The following GRIN1 variants were observed in gnomAD, a reference collection of about 807,000 sequenced individuals.
GRIN1 encodes the protein glutamate ionotropic receptor NMDA type subunit 1.
Under a neutral mutation model 103.0 loss-of-function variants are expected in GRIN1, and 38 were observed. The ratio of observed to expected loss-of-function variants is 0.37; its 90% CI spans 0.28 to 0.48. The LOEUF is 0.48. Among genes scored for constraint, GRIN1 ranks in the 20% least tolerant of loss-of-function variants. The probability of loss-of-function intolerance (pLI) is 0.98; values close to 1 mark genes in which losing one functional copy is unlikely to be tolerated. For synonymous variants in GRIN1, 544 were observed against 532.7 expected (o/e 1.02, Z -0.29); for missense variants, 577 against 1,288.9 (o/e 0.45, Z 8.46).
chr9:137,149,107 C>A lies in GRIN1; in HGVS notation c.669C>A (p.Ala223=). Residue 223 remains alanine, a splice_region_variant and synonymous_variant, in exon 4 of 20, where the codon GCC becomes GCA. Coordinates refer to ENST00000371561, the MANE Select transcript of GRIN1 (RefSeq NM_007327.4). ...ELEARVIILS[A]SEDDAATVYR... ...AGGCCCGGGTCATCATCCTTTCTGC[C>A]AGGTGAGGCTGGGCAGGGCCCTACA... The A allele has an allele frequency of 6.2e-7, 1 of 1,600,894 alleles. No homozygotes were observed. Among genetic ancestry groups the A allele is most frequent in the Non-Finnish European group, 8.5e-7 (1 of 1,170,830 alleles).
intron 2 of GRIN1, 113 bp from the exon 3 acceptor site, chr9:137,145,613 G>T: frequency 3.8e-6 from 3 of 793,016 alleles, no homozygotes; most frequent in Non-Finnish European, 6.2e-6. Flanking sequence ...TGGGGACAGG[G>T]GTGGGAGGAG....
At chr9:137,149,887 A>G (rs1455706842) in intron 4 of GRIN1, among the ~76,000 whole-genome samples, 1 of 152,148 alleles carries the variant, frequency 6.6e-6, no homozygotes, top group Non-Finnish European at 1.5e-5. Flanking sequence ...AGCCCTGCAT[A>G]TGGGAAAGAG....
intron 4 of GRIN1, among the ~76,000 whole-genome samples, chr9:137,149,720 G>C (rs1485689218): frequency 6.6e-6 from 1 of 152,176 alleles, no homozygotes; most frequent in Non-Finnish European, 1.5e-5. Flanking sequence ...GGGTGACTGG[G>C]AATAGGAAAA....
chr9:137,144,487 C>A (rs563852041), intron 2 of GRIN1, among the ~76,000 whole-genome samples: 2 of 151,714 alleles, frequency 1.3e-5, no homozygotes, highest in Non-Finnish European at 2.9e-5. Context: ...ACCCCATCTC[C>A]ACTAAAAATA....
Position 137,139,546 on chromosome 9 carries a change from C to G in GRIN1, c.60C>G (p.Ala20=). Residue 20 remains alanine, a synonymous_variant, in exon 1 of 20, where the codon GCC becomes GCG. Coordinates refer to ENST00000371561, the MANE Select transcript of GRIN1 (RefSeq NM_007327.4). This position sits in a 1 kb window ranked among gnomAD's most constrained non-coding sequence, Gnocchi z 7.7. ...ALLFSCSVAR[A]ACDPKIVNIG... ...TGTTCTCCTGCTCCGTCGCCCGTGC[C>G]GCGTGCGACCCCAAGATCGTCAACA... The G allele has an allele frequency of 6.2e-7, 1 of 1,611,628 alleles. No individual in the cohort carries two copies. Among genetic ancestry groups the G allele is most frequent in the Non-Finnish European group, 8.5e-7 (1 of 1,179,262 alleles).
intron 3 of GRIN1, among the ~76,000 whole-genome samples, chr9:137,147,832 C>T (rs752118156): frequency 2.6e-4 from 39 of 152,356 alleles, no homozygotes; most frequent in Middle Eastern, 3.4e-3. Flanking sequence ...ACAGCAGGTG[C>T]ACGGCAGGGT....
rs1036275933 is a variant in GRIN1, at chr9:137,168,553, C to T, written c.*1026C>T. On this transcript the variant is annotated 3_prime_UTR_variant, in exon 20 of 20. Transcript: ENST00000371561. ...ACCTTGGGCACGGGAGAGCGCCACC[C>T]GCCCGCCCCCGCCCTCGCTCCGGGT... The T allele has an allele frequency of 3.0e-5, 8 of 265,862 alleles. No homozygotes were observed. Among genetic ancestry groups the T allele is most frequent in the African/African-American group, 1.8e-4 (8 of 44,750 alleles). The allele number at this position is 265,862 out of a possible 1,614,324, so 16.5% of individuals were successfully genotyped here. A position where few individuals can be genotyped will look rare whatever the true frequency, so the allele number is the denominator to read the frequency against.
In GRIN1 at chr9:137,139,779, C is replaced by T. The variant is rs1411930926; in HGVS notation, c.258+35C>T. On this transcript the variant is annotated intron_variant, in intron 1 of 19. Transcript: ENST00000371561. The surrounding 1 kb of genome is among the most constrained non-coding windows in gnomAD (Gnocchi z 7.7). Reference sequence around the variant, plus strand: ...CCCACCTCCGCCACCCACCTCCCCTCTCCTCCATCCTGCAACCCCACACCC... The same window carrying T: ...CCCACCTCCGCCACCCACCTCCCCTTTCCTCCATCCTGCAACCCCACACCC... The T allele has an allele frequency of 6.5e-7, 1 of 1,542,104 alleles. No individual in the cohort carries two copies. The highest frequency in any genetic ancestry group is 9.0e-7 in the Non-Finnish European group (1 of 1,115,122).
intron 4 of GRIN1, among the ~76,000 whole-genome samples, chr9:137,150,603 C>A (rs1832797003): frequency 6.8e-6 from 1 of 146,370 alleles, no homozygotes; most frequent in Admixed American, 6.8e-5. Context: ...AAAGCTCCGC[C>A]CAGATAAAAG....
intron 4 of GRIN1, among the ~76,000 whole-genome samples, chr9:137,153,985 T>C (rs924461599): frequency 6.6e-6 from 1 of 151,986 alleles, no homozygotes; most frequent in Non-Finnish European, 1.5e-5. Flanking sequence ...CTAATTTTTG[T>C]ATTTTTAGTA....
At chr9:137,163,111 G>A (rs1190999464) in intron 15 of GRIN1, 58 bp from the exon 16 acceptor site, 4 of 1,598,634 alleles carry the variant, frequency 2.5e-6, no homozygotes, top group South Asian at 2.2e-5. Flanking sequence ...GAGGGCGCGG[G>A]CGTGGGGCTT....
Position 137,144,399 on chromosome 9 carries a change from A to C in GRIN1, c.394-1327A>C, listed in dbSNP as rs868012410. On this transcript the variant is annotated intron_variant, in intron 2 of 19. Coordinates refer to ENST00000371561, the MANE Select transcript of GRIN1 (RefSeq NM_007327.4). ...GCCGGGCGCGGTGGCTCACGCCTGT[A>C]ATCCCAGCACTTTGGGAGGCCGAGG... Among the ~76,000 whole-genome samples the C allele has an allele frequency of 7.3e-5, 11 of 150,232 alleles. No homozygotes were observed. In the South Asian group the frequency reaches 2.1e-3, roughly 29 times the overall value.
chr9:137,152,054 C>G (rs1296644443), intron 4 of GRIN1, among the ~76,000 whole-genome samples: 3 of 151,994 alleles, frequency 2.0e-5, no homozygotes, highest in Non-Finnish European at 4.4e-5. Context: ...CTACAGGCCC[C>G]TGCCACCACG....
chr9:137,167,732 T>C lies in GRIN1; in HGVS notation c.*205T>C, dbSNP rs745676773. The C allele has an allele frequency of 4.3e-6, 7 of 1,609,772 alleles. No individual in the cohort carries two copies. Among genetic ancestry groups the C allele is most frequent in the Middle Eastern group, 1.7e-4 (1 of 6,056 alleles). ...CCCGGCCCCGCGCGTGCCCCCAGCG[T>C]GGGGCTAACGGGCGCCTTGTCTGTG... On this transcript the variant is annotated 3_prime_UTR_variant, in exon 20 of 20. Coordinates refer to ENST00000371561, the MANE Select transcript of GRIN1 (RefSeq NM_007327.4).
rs2131301105 is a variant in GRIN1, at chr9:137,163,166, C to T, written c.2172-3C>T. 3 of 1,612,930 alleles carry T rather than the reference C, an allele frequency of 1.9e-6. No homozygotes were observed. The East Asian group carries it at 6.7e-5, about 36-fold the overall frequency. On this transcript the variant is annotated splice_polypyrimidine_tract_variant and splice_region_variant and intron_variant, in intron 15 of 19. Transcript: ENST00000371561. ...GCCCCCGTGACTCCGCCTCTGCCGG[C>T]AGCAAGCTGCATGCCTTCATCTGGG... is the stretch of plus-strand genomic sequence containing the variant.
intron 7 of GRIN1, 31 bp from the exon 8 acceptor site, chr9:137,158,590 G>C (rs201588537): frequency 6.2e-7 from 1 of 1,609,146 alleles, no homozygotes; most frequent in African/African-American, 1.3e-5. Context: ...CCCCTGCGTG[G>C]CCACCCTCCA....
At chr9:137,165,553 C>T in intron 19 of GRIN1, 2 of 533,666 alleles carry the variant, frequency 3.7e-6, no homozygotes. Context: ...CTGCCATGAC[C>T]CACACGCCAT....
At chr9:137,161,230 G>A (rs1419970131) in intron 9 of GRIN1, 33 bp downstream of exon 9, 2 of 1,607,744 alleles carry the variant, frequency 1.2e-6, no homozygotes, top group African/African-American at 2.7e-5. Context: ...GGGGCGCGGG[G>A]CAGGGCGCGG....
chr9:137,152,864 C>G (rs1832983154), intron 4 of GRIN1, among the ~76,000 whole-genome samples: 1 of 152,056 alleles, frequency 6.6e-6, no homozygotes, highest in African/African-American at 2.4e-5. Flanking sequence ...ACATCTCTAC[C>G]CACACATGCA....
Sources: allele counts gnomAD v4.1 joint callset (sites outside exome capture counted in the v4.1 genomes callset), GRCh38; gene constraint gnomAD v4.1.1; non-coding constraint Gnocchi (gnomAD v3.1); transcripts MANE v1.5; gene names NCBI Gene and HGNC (gene_info 2026-07-23, HGNC 2026-07-21).